The following RAB8B variants were observed in gnomAD, a reference collection of about 807,000 sequenced individuals.
RAB8B encodes ras-related protein Rab-8B.
Under a neutral mutation model 32.0 loss-of-function variants are expected in RAB8B, and 11 were observed. The ratio of observed to expected loss-of-function variants is 0.34; its 90% CI spans 0.22 to 0.57. The LOEUF (loss-of-function observed/expected upper bound fraction) is 0.57, where lower values mean the gene tolerates loss of function less well. RAB8B is among the 20% of genes least tolerant of loss of function. The probability of loss-of-function intolerance (pLI) is 0.86; values close to 1 mark genes in which losing one functional copy is unlikely to be tolerated. For synonymous variants in RAB8B, 103 were observed against 89.6 expected (o/e 1.15, Z -0.85); for missense variants, 190 against 258.5 (o/e 0.73, Z 1.82).
intron 1 of RAB8B, among the ~76,000 whole-genome samples, chr15:63,220,536 A>G (rs1184028436): frequency 1.3e-5 from 2 of 152,182 alleles, no homozygotes; most frequent in Non-Finnish European, 2.9e-5. Flanking sequence ...ATATAAGAGT[A>G]AGGAGGAGTA....
chr15:63,223,449 T>C (rs2141123180), intron 1 of RAB8B, among the ~76,000 whole-genome samples: 1 of 152,320 alleles, frequency 6.6e-6, no homozygotes, highest in South Asian at 2.1e-4. Flanking sequence ...TACTGTACTT[T>C]TTCTATGTTT....
intron 2 of RAB8B, 140 bp downstream of exon 2, chr15:63,244,956 C>T: frequency 1.4e-6 from 1 of 708,768 alleles, no homozygotes; most frequent in Non-Finnish European, 2.3e-6. Flanking sequence ...AATAAGTAAG[C>T]ACTGGGAATC....
At chr15:63,235,704 T>A (rs2037972793) in intron 1 of RAB8B, among the ~76,000 whole-genome samples, 1 of 151,004 alleles carries the variant, frequency 6.6e-6, no homozygotes, top group Non-Finnish European at 1.5e-5. Flanking sequence ...TGAATGATAA[T>A]ACTGTTGTTT....
intron 1 of RAB8B, among the ~76,000 whole-genome samples, chr15:63,216,590 C>T (rs1370133275): frequency 1.4e-5 from 2 of 148,138 alleles, no homozygotes; most frequent in African/African-American, 2.5e-5. Context: ...TGGCTTGTCT[C>T]GGTGGCTCAC....
chr15:63,242,558 G>T (rs192463747), intron 1 of RAB8B, among the ~76,000 whole-genome samples: 150 of 152,210 alleles, frequency 9.9e-4, no homozygotes, highest in African/African-American at 3.1e-3. Context: ...CATACCTGTA[G>T]TCCCAGCTAC....
chr15:63,262,867 G>A (rs2038214163), intron 7 of RAB8B, 125 bp downstream of exon 7: 2 of 297,500 alleles, frequency 6.7e-6, no homozygotes, highest in African/African-American at 4.5e-5. Context: ...TACTCATTTG[G>A]TTGAACTCTG....
At chr15:63,233,737 C>T (rs1339142388) in intron 1 of RAB8B, among the ~76,000 whole-genome samples, 1 of 152,106 alleles carries the variant, frequency 6.6e-6, no homozygotes, top group African/African-American at 2.4e-5. Flanking sequence ...ATATACAAAC[C>T]ACATAACCCA....
chr15:63,238,599 A>G (rs1485522124), intron 1 of RAB8B, among the ~76,000 whole-genome samples: 1 of 152,174 alleles, frequency 6.6e-6, no homozygotes, highest in African/African-American at 2.4e-5. Flanking sequence ...TTGTCCTTTC[A>G]TATAGCTATG....
chr15:63,256,000 T>A (rs2038156218), intron 4 of RAB8B, among the ~76,000 whole-genome samples: 1 of 152,228 alleles, frequency 6.6e-6, no homozygotes, highest in Admixed American at 6.5e-5. Flanking sequence ...TTTGCCCTTC[T>A]GACATTTTCT....
chr15:63,253,458 G>C (rs998088083), intron 3 of RAB8B, among the ~76,000 whole-genome samples: 3 of 152,144 alleles, frequency 2.0e-5, no homozygotes, highest in African/African-American at 7.2e-5. Context: ...GGTGCTAAAG[G>C]ATTTTGATCA....
chr15:63,197,636 A>G (rs962721026), intron 1 of RAB8B, among the ~76,000 whole-genome samples: 1 of 151,830 alleles, frequency 6.6e-6, no homozygotes, highest in African/African-American at 2.4e-5. Flanking sequence ...GGCCTCCCAA[A>G]GTGTTAGCAT....
chr15:63,214,199 G>A (rs1472038816), intron 1 of RAB8B, among the ~76,000 whole-genome samples: 2 of 151,870 alleles, frequency 1.3e-5, no homozygotes, highest in Non-Finnish European at 2.9e-5. Context: ...GGAGGTAAAG[G>A]ATCTAATGTA....
chr15:63,207,367 T>C (rs1231934943), intron 1 of RAB8B, among the ~76,000 whole-genome samples: 1 of 152,124 alleles, frequency 6.6e-6, no homozygotes, highest in Non-Finnish European at 1.5e-5. Context: ...CTACCCAACT[T>C]TCTGTCTCCT....
chr15:63,263,393 A>C, intron 7 of RAB8B, 134 bp from the exon 8 acceptor site: 1 of 639,808 alleles, frequency 1.6e-6, no homozygotes, highest in Non-Finnish European at 2.7e-6. Context: ...GTTCTAATAA[A>C]ATACTCTAGT....
At chr15:63,260,560 T>C (rs893928858) in intron 6 of RAB8B, among the ~76,000 whole-genome samples, 27 of 152,188 alleles carry the variant, frequency 1.8e-4, no homozygotes, top group African/African-American at 6.3e-4. Context: ...CTTATGAGAA[T>C]AGGTTTTCTT....
chr15:63,211,260 A>G (rs972415727), intron 1 of RAB8B, among the ~76,000 whole-genome samples: 4 of 151,134 alleles, frequency 2.6e-5, no homozygotes, highest in African/African-American at 7.2e-5. Flanking sequence ...GATCGGAAGT[A>G]TAGAAATTAC....
At chr15:63,235,480 T>C (rs1038830247) in intron 1 of RAB8B, among the ~76,000 whole-genome samples, 1 of 152,228 alleles carries the variant, frequency 6.6e-6, no homozygotes, top group South Asian at 2.1e-4. Context: ...ATAGCTAATA[T>C]AAGACATTCT....
At chr15:63,216,278 G>C (rs2037791397) in intron 1 of RAB8B, among the ~76,000 whole-genome samples, 1 of 146,626 alleles carries the variant, frequency 6.8e-6, no homozygotes, top group African/African-American at 2.5e-5. Flanking sequence ...TCCCCCACTG[G>C]AGTGCAGCGG....
At chr15:63,228,671 AT>A (rs2037909022) in intron 1 of RAB8B, among the ~76,000 whole-genome samples, 1 of 152,246 alleles carries the variant, frequency 6.6e-6, no homozygotes, top group African/African-American at 2.4e-5. Context: ...GCAGTCCCCA[AT>A]TCACACTAGC....
Sources: allele counts gnomAD v4.1 joint callset (sites outside exome capture counted in the v4.1 genomes callset), GRCh38; gene constraint gnomAD v4.1.1; transcripts MANE v1.5; gene names NCBI Gene and HGNC (gene_info 2026-07-23, HGNC 2026-07-21).